Variants in PRKAR1A observed in about 807,000 individuals in gnomAD.
PRKAR1A encodes protein kinase cAMP-dependent type I regulatory subunit alpha, also known as cAMP-dependent protein kinase type I-alpha regulatory subunit.
A neutral mutation model predicts 52.0 loss-of-function variants in PRKAR1A; 3 were observed. The ratio of observed to expected loss-of-function variants is 0.06; its 90% CI spans 0.03 to 0.15. PRKAR1A has a LOEUF of 0.15. PRKAR1A is among the 10% of genes least tolerant of loss of function. The pLI, the probability that PRKAR1A is intolerant of heterozygous loss-of-function variation, is 1.00. For synonymous variants in PRKAR1A, 188 were observed against 168.4 expected (o/e 1.12, Z -0.90); for missense variants, 240 against 477.4 (o/e 0.50, Z 4.63).
rs1407395802 is a variant in PRKAR1A at position 68,525,674 on chromosome 17, TTTAAA to T, written c.550-79_550-75del. 58 of 1,486,382 alleles carry T rather than the reference TTTAAA, an allele frequency of 3.9e-5. 1 individual carries two copies. In the Middle Eastern group the frequency reaches 6.0e-3, roughly 153 times the overall value. The allele number at this position is 1,486,382 out of a possible 1,614,324, so 92.1% of individuals were successfully genotyped here. A position where few individuals can be genotyped will look rare whatever the true frequency, so the allele number is the denominator to read the frequency against. On this transcript the variant is annotated intron_variant, in intron 6 of 10. Coordinates refer to ENST00000589228, the MANE Select transcript of PRKAR1A (RefSeq NM_002734.5). ...AAAACAAAGTTCAGGATTGTGACCT[TTTAAA>T]AAGGTTTGAGGGTTTTTAACATTTA...
intron 9 of PRKAR1A, 94 bp from the exon 10 acceptor site, chr17:68,529,826 T>C (rs2085912488): frequency 7.7e-6 from 9 of 1,170,154 alleles, no homozygotes; most frequent in Admixed American, 1.7e-5. Flanking sequence ...TATGCACACA[T>C]TTGCAAGGTA....
At chr17:68,539,811 TC>T in intron 11 of PRKAR1A, 2 of 1,455,356 alleles carry the variant, frequency 1.4e-6, no homozygotes, top group African/African-American at 1.4e-5. Flanking sequence ...GGCGTCTGTT[TC>T]CCCCGAGCAG....
At chr17:68,433,777 T>TTTTTTTTTTTTG in the PRKAR1A span, among the ~76,000 whole-genome samples, 1 of 63,616 alleles carries the variant, frequency 1.6e-5, no homozygotes, top group African/African-American at 4.9e-5. Context: ...TTTTTTTTTT[T>TTTTTTTTTTTTG]TTTTTTTTTT....
At chr17:68,545,447 T>A (rs1269603397) in intron 11 of PRKAR1A, among the ~76,000 whole-genome samples, 1 of 152,218 alleles carries the variant, frequency 6.6e-6, no homozygotes, top group Non-Finnish European at 1.5e-5. Flanking sequence ...TGGAGTCCAA[T>A]AAATATGCAA....
the PRKAR1A span, among the ~76,000 whole-genome samples, chr17:68,447,169 C>G: frequency 6.6e-6 from 1 of 152,162 alleles, no homozygotes; most frequent in East Asian, 1.9e-4. Flanking sequence ...CAGATTTGGC[C>G]TCAGAGGCTT....
In PRKAR1A at chr17:68,513,151, C is replaced by T. The variant is rs191451498; in HGVS notation, c.-7+603C>T. On this transcript the variant is annotated intron_variant, in intron 1 of 10. Coordinates refer to ENST00000589228, the MANE Select transcript of PRKAR1A (RefSeq NM_002734.5). The stretch of plus-strand genomic sequence containing the variant: ...TTTTGCCCCCCTGAGGCCTCCTCGC[C>T]ACCACTGTGGCCTTCCGACTGGCGT... 2.6e-5 allele frequency: 4 copies of T among 152,516 alleles called. No homozygotes were observed. In the East Asian group the frequency reaches 7.7e-4, roughly 29 times the overall value. 9.4% of individuals were successfully genotyped at this position (152,516 alleles called of 1,614,324 possible).
chr17:68,539,035 A>G (rs1487487689), intron 11 of PRKAR1A, among the ~76,000 whole-genome samples: 1 of 152,254 alleles, frequency 6.6e-6, no homozygotes, highest in Non-Finnish European at 1.5e-5. Context: ...TGTAGGCTAC[A>G]AAACCTTTAC....
intron 2 of PRKAR1A, among the ~76,000 whole-genome samples, chr17:68,521,081 A>G (rs1275122212): frequency 1.3e-5 from 2 of 152,112 alleles, no homozygotes; most frequent in Non-Finnish European, 2.9e-5. Flanking sequence ...AGCTGGGGCT[A>G]CAGGTGCCTG....
chr17:68,486,786 G>C, the PRKAR1A span, among the ~76,000 whole-genome samples: 1 of 151,740 alleles, frequency 6.6e-6, no homozygotes, highest in South Asian at 2.1e-4. Flanking sequence ...TTACCTTACA[G>C]AAGTCACTCA....
chr17:68,474,382 G>A, the PRKAR1A span, among the ~76,000 whole-genome samples: 2 of 152,162 alleles, frequency 1.3e-5, no homozygotes, highest in Non-Finnish European at 2.9e-5. Flanking sequence ...TACTTTCTGC[G>A]TTGGACTCCC....
the PRKAR1A span, among the ~76,000 whole-genome samples, chr17:68,462,932 T>C: frequency 2.0e-5 from 3 of 152,138 alleles, no homozygotes; most frequent in Non-Finnish European, 2.9e-5. Flanking sequence ...TCTAGAAATA[T>C]TCAAAAACGT....
chr17:68,485,504 C>T, the PRKAR1A span, among the ~76,000 whole-genome samples: 1 of 152,126 alleles, frequency 6.6e-6, no homozygotes, highest in Non-Finnish European at 1.5e-5. Flanking sequence ...TGATCTTTTG[C>T]TTTGGAAATA....
the PRKAR1A span, among the ~76,000 whole-genome samples, chr17:68,488,073 T>A: frequency 2.6e-5 from 4 of 151,404 alleles, no homozygotes; most frequent in Non-Finnish European, 5.9e-5. Context: ...GGGGGTGGCA[T>A]GGGGAGAGTT....
chr17:68,421,484 A>C, the PRKAR1A span: 4 of 409,404 alleles, frequency 9.8e-6, no homozygotes, highest in Non-Finnish European at 1.8e-5. Context: ...GCCCCTTTTA[A>C]TATAAAATTC....
At chr17:68,490,340 T>TACCTGGA in the PRKAR1A span, among the ~76,000 whole-genome samples, 1 of 152,238 alleles carries the variant, frequency 6.6e-6, no homozygotes, top group Admixed American at 6.5e-5. Context: ...CCTTTGGCAG[T>TACCTGGA]TACCTGGAGG....
the PRKAR1A span, among the ~76,000 whole-genome samples, chr17:68,438,385 A>G: frequency 2.5e-3 from 380 of 152,354 alleles, 1 homozygote; most frequent in Non-Finnish European, 4.5e-3. Context: ...TGAAATTTCA[A>G]GAACAGCTAG....
the PRKAR1A span, among the ~76,000 whole-genome samples, chr17:68,416,977 G>C: frequency 6.6e-6 from 1 of 152,164 alleles, no homozygotes; most frequent in Non-Finnish European, 1.5e-5. Flanking sequence ...AGGTTAATCA[G>C]GGATTTTTTT....
At chr17:68,430,297 C>G in the PRKAR1A span, 1 of 814,002 alleles carries the variant, frequency 1.2e-6, no homozygotes, top group East Asian at 2.6e-5. Context: ...GTTCTGCCCA[C>G]TGAGAACAAT....
rs1033042544 is a variant in PRKAR1A at position 68,528,919 on chromosome 17, A to G, written c.819A>G (p.Pro273=). The change falls in exon 9 of 11, where the codon CCA becomes CCG. Residue 273 remains proline (P), a synonymous_variant. Coordinates refer to ENST00000589228, the MANE Select transcript of PRKAR1A (RefSeq NM_002734.5). ...ERLTVADALE[P]VQFEDGQKIV... ...TTACGGTAGCTGATGCATTGGAACC[A>G]GTGCAGTTTGAAGATGGGCAGAAGA... 1 of 1,614,044 alleles carries G rather than the reference A, an allele frequency of 6.2e-7. No individual in the cohort carries two copies. The highest frequency in any genetic ancestry group is 2.2e-5 in the East Asian group (1 of 44,876).
Sources: gnomAD v4.1 joint callset for allele counts (sites outside exome capture counted in the v4.1 genomes callset) on GRCh38, gnomAD v4.1.1 for gene constraint, MANE v1.5 for transcripts, NCBI Gene and HGNC (gene_info 2026-07-23, HGNC 2026-07-21) for gene names.